The following LDB2 variants were observed in gnomAD, a reference collection of about 807,000 sequenced individuals.
LDB2 encodes LIM domain-binding protein 2.
Under a neutral mutation model 44.3 loss-of-function variants are expected in LDB2, and 12 were observed. That is an observed-to-expected ratio of 0.27 (90% CI 0.17 to 0.44). The LOEUF (loss-of-function observed/expected upper bound fraction) is 0.44, where lower values mean the gene tolerates loss of function less well. LDB2 is among the 20% of genes least tolerant of loss of function. The pLI is 1.00. For missense variants in LDB2, 344 were observed against 473.5 expected, an observed-to-expected ratio of 0.73 and a Z score of 2.54; for synonymous variants, 164 against 174.8, an observed-to-expected ratio of 0.94 and a Z score of 0.49.
At chr4:16,793,072 G>A (rs1262185065) in intron 1 of LDB2, among the ~76,000 whole-genome samples, 1 of 152,106 alleles carries the variant, frequency 6.6e-6, no homozygotes, top group Non-Finnish European at 1.5e-5. Flanking sequence ...GGTTGAAGGT[G>A]GCTATTTTCT....
At chr4:16,663,617 G>A (rs1236875624) in intron 2 of LDB2, among the ~76,000 whole-genome samples, 1 of 152,192 alleles carries the variant, frequency 6.6e-6, no homozygotes, top group African/African-American at 2.4e-5. Flanking sequence ...AGGCAAGATG[G>A]TAGCCTGTTT....
intron 2 of LDB2, among the ~76,000 whole-genome samples, chr4:16,692,486 T>C (rs894155392): frequency 5.9e-5 from 9 of 152,216 alleles, no homozygotes; most frequent in African/African-American, 2.2e-4. Flanking sequence ...GTACAGGTAC[T>C]GGTGCCCTGA....
chr4:16,752,256 C>G (rs1434403245), intron 2 of LDB2, among the ~76,000 whole-genome samples: 1 of 152,180 alleles, frequency 6.6e-6, no homozygotes, highest in Non-Finnish European at 1.5e-5. Flanking sequence ...AGAGCCCACT[C>G]TTTACATATA....
At chr4:16,723,854 ACCCTCCACTCCCAGATTCCTC>A (rs1220628595) in intron 2 of LDB2, among the ~76,000 whole-genome samples, 2 of 151,670 alleles carry the variant, frequency 1.3e-5, no homozygotes, top group Non-Finnish European at 2.9e-5. Flanking sequence ...AAGAATCAAC[ACCCTCCACTCCCAGATTCCTC>A]CTCCTGCTAC....
At chr4:16,526,341 C>T (rs767561180) in intron 5 of LDB2, among the ~76,000 whole-genome samples, 6 of 152,208 alleles carry the variant, frequency 3.9e-5, no homozygotes, top group Non-Finnish European at 7.3e-5. Context: ...AGTGCTCCCC[C>T]GACCCCCACC....
chr4:16,852,925 A>G (rs951902693), intron 1 of LDB2, among the ~76,000 whole-genome samples: 1 of 152,186 alleles, frequency 6.6e-6, no homozygotes, highest in African/African-American at 2.4e-5. Flanking sequence ...TAAAAAAAGA[A>G]AGATCACTTT....
chr4:16,651,526 G>A (rs929744146), intron 2 of LDB2, among the ~76,000 whole-genome samples: 1 of 152,008 alleles, frequency 6.6e-6, no homozygotes, highest in Non-Finnish European at 1.5e-5. Context: ...CACAGGAACG[G>A]CTAGACTGAG....
At chr4:16,859,347 T>C (rs184046529) in intron 1 of LDB2, among the ~76,000 whole-genome samples, 5 of 152,350 alleles carry the variant, frequency 3.3e-5, no homozygotes, top group Admixed American at 3.3e-4. Flanking sequence ...TCAAGGCTGG[T>C]GGTATGCCCT....
chr4:16,868,089 G>A (rs755746576), intron 1 of LDB2, among the ~76,000 whole-genome samples: 18 of 152,146 alleles, frequency 1.2e-4, no homozygotes, highest in South Asian at 1.0e-3. Flanking sequence ...CATTAGACTC[G>A]TTTATCTTAG....
chr4:16,723,904 A>G (rs759694797), intron 2 of LDB2, among the ~76,000 whole-genome samples: 2 of 152,114 alleles, frequency 1.3e-5, no homozygotes, highest in Non-Finnish European at 2.9e-5. Context: ...CTTGTCAATG[A>G]CACTTGCTAC....
intron 2 of LDB2, among the ~76,000 whole-genome samples, chr4:16,747,562 A>G (rs1399921744): frequency 6.6e-6 from 1 of 152,242 alleles, no homozygotes; most frequent in Non-Finnish European, 1.5e-5. Context: ...TGAACACTGA[A>G]TAAGTATAGT....
intron 5 of LDB2, among the ~76,000 whole-genome samples, chr4:16,534,177 G>A (rs949237095): frequency 6.6e-6 from 1 of 152,118 alleles, no homozygotes; most frequent in Non-Finnish European, 1.5e-5. Flanking sequence ...GTGCCTGCAG[G>A]GAGGAAACCC....
intron 1 of LDB2, among the ~76,000 whole-genome samples, chr4:16,848,280 A>G (rs1240612779): frequency 6.6e-6 from 1 of 152,252 alleles, no homozygotes; most frequent in African/African-American, 2.4e-5. Flanking sequence ...TTCTGTACAC[A>G]GATGAAAAGC....
At chr4:16,613,604 A>T (rs563417529) in intron 2 of LDB2, among the ~76,000 whole-genome samples, 228 of 152,332 alleles carry the variant, frequency 1.5e-3, no homozygotes, top group African/African-American at 5.1e-3. Context: ...AAACATCACA[A>T]GCATTCCTTT....
At chr4:16,667,210 T>C (rs1395203613) in intron 2 of LDB2, among the ~76,000 whole-genome samples, 1 of 152,156 alleles carries the variant, frequency 6.6e-6, no homozygotes, top group Non-Finnish European at 1.5e-5. Flanking sequence ...CTTGAACTAG[T>C]ATCTTCCAGA....
At chr4:16,809,646 A>G (rs1779419553) in intron 1 of LDB2, among the ~76,000 whole-genome samples, 1 of 152,018 alleles carries the variant, frequency 6.6e-6, no homozygotes, top group Non-Finnish European at 1.5e-5. Context: ...TACAGTGACT[A>G]CAAGTTTTGT....
In LDB2 at chr4:16,600,456, A is replaced by C. The variant is rs929326321; in HGVS notation, c.236-4581T>G. On this transcript the variant is annotated intron_variant, in intron 2 of 7. Coordinates refer to ENST00000304523, the MANE Select transcript of LDB2 (RefSeq NM_001290.5). ...GTGTGGAGAGCCAGAGAACACAGGA[A>C]GATTTTCTGTGATGTTAGGTGAGTA... Among the ~76,000 whole-genome samples, 6 of 152,168 alleles carry C rather than the reference A, an allele frequency of 3.9e-5. No individual in the cohort carries two copies. In the South Asian group the frequency reaches 1.2e-3, roughly 32 times the overall value.
chr4:16,875,185 G>A (rs1485573587), intron 1 of LDB2, among the ~76,000 whole-genome samples: 5 of 152,124 alleles, frequency 3.3e-5, no homozygotes, highest in Non-Finnish European at 7.3e-5. Flanking sequence ...GGAAACATAA[G>A]AGAATTAATA....
At chr4:16,729,951 C>T (rs1760388682) in intron 2 of LDB2, among the ~76,000 whole-genome samples, 1 of 152,130 alleles carries the variant, frequency 6.6e-6, no homozygotes, top group Non-Finnish European at 1.5e-5. Flanking sequence ...AATATTAGGG[C>T]ATAACCAAGA....
Sources: allele counts gnomAD v4.1 joint callset (sites outside exome capture counted in the v4.1 genomes callset), GRCh38; gene constraint gnomAD v4.1.1; transcripts MANE v1.5; gene names NCBI Gene and HGNC (gene_info 2026-07-23, HGNC 2026-07-21).